Variants in CD207 observed in about 807,000 individuals in gnomAD.
CD207 encodes C-type lectin domain family 4 member K.
In CD207, 28 loss-of-function variants were observed where a neutral mutation model predicts 31.6. That is an observed-to-expected ratio of 0.89 (90% CI 0.66 to 1.21). The LOEUF (loss-of-function observed/expected upper bound fraction) is 1.21, where lower values mean the gene tolerates loss of function less well. CD207 is among the 50% of genes most tolerant of loss of function. CD207 has a pLI of 0.00. For missense variants in CD207, 388 were observed against 397.8 expected, an observed-to-expected ratio of 0.98 and a Z score of 0.21; for synonymous variants, 168 against 153.9, an observed-to-expected ratio of 1.09 and a Z score of -0.68.
At chr2:70,829,020 A>C (rs559973761), downstream of CD207, among the ~76,000 whole-genome samples, 17 of 152,228 alleles carry the variant, frequency 1.1e-4, no homozygotes, top group South Asian at 2.3e-3. Flanking sequence ...GTTTCTTCCA[A>C]TGCCACGTGA....
downstream of CD207, among the ~76,000 whole-genome samples, chr2:70,827,473 C>G (rs1677372329): frequency 6.6e-6 from 1 of 152,228 alleles, no homozygotes; most frequent in Non-Finnish European, 1.5e-5. Flanking sequence ...TGGGGGCTAC[C>G]TGGAGCCCTG....
chr2:70,831,235 G>A, intron 5 of CD207, 35 bp from the exon 6 acceptor site: 6 of 1,579,906 alleles, frequency 3.8e-6, no homozygotes, highest in Non-Finnish European at 5.2e-6. Context: ...GATTTACAAA[G>A]TGGAAAATCA....
Position 70,833,938 on chromosome 2 carries a change from C to T in CD207, c.273G>A (p.Leu91=). 1 of 1,584,166 alleles carries T rather than the reference C, an allele frequency of 6.3e-7. No individual in the cohort carries two copies. The highest frequency in any genetic ancestry group is 8.6e-7 in the Non-Finnish European group (1 of 1,164,320). ...LKGRVDNIST[L]DSEIKKNSDG... The stretch of plus-strand genomic sequence containing the variant: ...CACTATTCTTTTTAATTTCAGAATC[C>T]AGGGTGCTGATGTTGTCCACACGAC... The change falls in exon 3 of 6, where the codon CTG becomes CTA. Residue 91 remains leucine, a synonymous_variant. Coordinates refer to ENST00000410009, the MANE Select transcript of CD207 (RefSeq NM_015717.5).
rs1677479607 is a variant in CD207, at chr2:70,831,743, G to A, written c.794C>T (p.Ser265Phe). 1 of 1,613,510 alleles carries A rather than the reference G, an allele frequency of 6.2e-7. No homozygotes were observed. Among genetic ancestry groups the A allele is most frequent in the South Asian group, 1.1e-5 (1 of 91,082 alleles). Residue 265 changes from serine (S) to phenylalanine (F), a missense_variant, in exon 5 of 6, where the codon TCC becomes TTC. Ser to Phe is a radical substitution (Grantham distance 155). Transcript: ENST00000410009. Reference sequence around the variant, plus strand: ...GTTGAATGGCGTGTCATCCACCCAGGACCAGTCCCCTTCCATCCCTGCTTT... The same window carrying A: ...GTTGAATGGCGTGTCATCCACCCAGAACCAGTCCCCTTCCATCCCTGCTTT... ...LTKAGMEGDW[S>F]WVDDTPFNKV...
chr2:70,834,099 G>T, intron 2 of CD207, 79 bp from the exon 3 acceptor site: 4 of 1,317,128 alleles, frequency 3.0e-6, no homozygotes, highest in Non-Finnish European at 4.0e-6. Flanking sequence ...TTGATCAAAG[G>T]AAGGGAAGGA....
At chr2:70,832,415 G>A (rs188880575) in intron 4 of CD207, among the ~76,000 whole-genome samples, 7 of 152,318 alleles carry the variant, frequency 4.6e-5, no homozygotes, top group Non-Finnish European at 7.3e-5. Context: ...CACCAGGCAG[G>A]AGACTTCTTG....
chr2:70,832,173 C>T (rs1677492022), intron 4 of CD207, among the ~76,000 whole-genome samples: 1 of 152,230 alleles, frequency 6.6e-6, no homozygotes, highest in African/African-American at 2.4e-5. Flanking sequence ...CGGCACTGTG[C>T]TGAGTCGTCC....
chr2:70,833,630 T>G lies in CD207; in HGVS notation c.565+16A>C, dbSNP rs1553400250. ...GGCCACTGGTCAGCTTCAATGTAATTTTCTGAGTCACTTACTTTGTCGTTT... is the reference window on the plus strand; with the variant it reads ...GGCCACTGGTCAGCTTCAATGTAATGTTCTGAGTCACTTACTTTGTCGTTT... On this transcript the variant is annotated intron_variant, in intron 3 of 5. Transcript: ENST00000410009. 6.3e-7 allele frequency: 1 copy of G among 1,593,396 alleles called. No homozygotes were observed. The highest frequency in any genetic ancestry group is 1.1e-5 in the South Asian group (1 of 87,730).
rs951932732 is a variant in CD207 at position 70,833,510 on chromosome 2, A to G, written c.565+136T>C. ...CCCAACCTCAAGCCCTCTCTCCTTA[A>G]CTTCCTAGCCCATGGCTGCCCCTCT... On this transcript the variant is annotated intron_variant, in intron 3 of 5. Coordinates refer to ENST00000410009, the MANE Select transcript of CD207 (RefSeq NM_015717.5). 8.7e-6 allele frequency: 9 copies of G among 1,032,616 alleles called. No individual in the cohort carries two copies. In the African/African-American group the frequency reaches 1.5e-4, roughly 17 times the overall value. The allele number at this position is 1,032,616 out of a possible 1,614,324, so 64.0% of individuals were successfully genotyped here.
chr2:70,832,769 C>T lies in CD207; in HGVS notation c.717+131G>A. 17 of 940,800 alleles carry T rather than the reference C, an allele frequency of 1.8e-5. 1 individual carries two copies. The South Asian group carries it at 3.7e-4, about 21-fold the overall frequency. The allele number at this position is 940,800 out of a possible 1,614,324, so 58.3% of individuals were successfully genotyped here. A position where few individuals can be genotyped will look rare whatever the true frequency, so the allele number is the denominator to read the frequency against. ...TTGCCGGCCCTTATTCGACATGCTA[C>T]TGAGAACCAATCCTTCTTCATTAGG... is the stretch of plus-strand genomic sequence containing the variant. On this transcript the variant is annotated intron_variant, in intron 4 of 5. Coordinates refer to ENST00000410009, the MANE Select transcript of CD207 (RefSeq NM_015717.5).
At chr2:70,832,293 T>C (rs1326669411) in intron 4 of CD207, among the ~76,000 whole-genome samples, 1 of 152,102 alleles carries the variant, frequency 6.6e-6, no homozygotes, top group Non-Finnish European at 1.5e-5. Flanking sequence ...CCCAAGCTGC[T>C]AGGACTAGTT....
chr2:70,831,966 C>T (rs1240815833), intron 4 of CD207, 147 bp from the exon 5 acceptor site: 1 of 628,254 alleles, frequency 1.6e-6, no homozygotes, highest in East Asian at 2.7e-5. Context: ...CCTGCCCTTG[C>T]CCAGAGCCCA....
rs782015589 is a variant in CD207 at position 70,833,034 on chromosome 2, C to T, written c.583G>A (p.Val195Ile). The change falls in exon 4 of 6, where the codon GTT (valine) becomes ATT (isoleucine). Residue 195 changes from valine (V) to isoleucine (I), a missense_variant. Physicochemically the swap from Val to Ile is conservative, Grantham distance 29. Coordinates refer to ENST00000410009, the MANE Select transcript of CD207 (RefSeq NM_015717.5). The part of the protein sequence containing the change: ...LKRQNDILQV[V>I]SQGWKYFKGN... ...TTGAAGTACTTCCAGCCTTGAGAAA[C>T]CACCTGTAGAATATCATCTAGAGAA... 18 of 1,613,834 alleles carry T rather than the reference C, an allele frequency of 1.1e-5. 1 individual carries two copies. The Admixed American group carries it at 2.7e-4, about 24-fold the overall frequency.
rs1553400395 is a variant in CD207 at position 70,833,887 on chromosome 2, C to A, written c.324G>T (p.Gln108His). 2 of 1,609,080 alleles carry A rather than the reference C, an allele frequency of 1.2e-6. No homozygotes were observed. The highest frequency in any genetic ancestry group is 2.2e-5 in the South Asian group (2 of 90,568). Reference protein sequence around the residue: ...NSDGMEAAGVQIQMVNESLGY... With the variant: ...NSDGMEAAGVHIQMVNESLGY... ...CCAGGCTCTCATTCACCATCTGGAT[C>A]TGAACGCCAGCTGCCTCCATGCCGT... The change falls in exon 3 of 6, where the codon CAG becomes CAT. Residue 108 changes from glutamine to histidine, a missense_variant. Transcript: ENST00000410009.
chr2:70,831,314 G>A (rs890997574), intron 5 of CD207, 114 bp from the exon 6 acceptor site: 59 of 992,678 alleles, frequency 5.9e-5, no homozygotes, highest in Non-Finnish European at 8.5e-5. Context: ...GAATGGCATA[G>A]CAAATGTCTG....
rs1558627103 is a variant in CD207, at chr2:70,831,069, TA to T, written c.967del (p.Tyr323MetfsTer22). 6.2e-7 allele frequency: 1 copy of T among 1,613,814 alleles called. No individual in the cohort carries two copies. The highest frequency in any genetic ancestry group is 1.1e-5 in the South Asian group (1 of 91,062). On this transcript the variant is annotated frameshift_variant, in exon 6 of 6. Transcript: ENST00000410009. LOFTEE classifies it high-confidence loss of function. Reference protein sequence around the residue: ...KTFLFICKRPYVPSEP With the variant: ...KTFLFICKRPXVPSEP ...GTCCTGTCACGGTTCTGATGGGACA[TA>T]GGGTCGCTTACAAATGAAAAGAAAC... is the stretch of plus-strand genomic sequence containing the variant.
rs962569793 is a variant in CD207 at position 70,830,827 on chromosome 2, C to T, written c.*223G>A. The stretch of plus-strand genomic sequence containing the variant: ...GGAACTTCTAAATCCTCTCTACCCA[C>T]CCCTCCCACTTTAACCTGAATTCTC... On this transcript the variant is annotated 3_prime_UTR_variant, in exon 6 of 6. Transcript: ENST00000410009. 7 of 488,660 alleles carry T rather than the reference C, an allele frequency of 1.4e-5. No homozygotes were observed. The highest frequency in any genetic ancestry group is 3.1e-5 in the South Asian group (1 of 32,082). 30.3% of individuals were successfully genotyped at this position (488,660 alleles called of 1,614,324 possible).
At chr2:70,833,444 T>C (rs1677526651) in intron 3 of CD207, among the ~76,000 whole-genome samples, 1 of 152,180 alleles carries the variant, frequency 6.6e-6, no homozygotes, top group Non-Finnish European at 1.5e-5. Context: ...GAGCTCTAGC[T>C]GGACCCTGGT....
chr2:70,828,256 A>C (rs1544654), downstream of CD207, among the ~76,000 whole-genome samples: 106,732 of 152,152 alleles, frequency 0.7, 37,526 homozygotes, highest in Middle Eastern at 0.76. Flanking sequence ...CTGCCAGCAG[A>C]AGGGCAGGTG....
Sources: gnomAD v4.1 joint callset for allele counts (sites outside exome capture counted in the v4.1 genomes callset) on GRCh38, gnomAD v4.1.1 for gene constraint, MANE v1.5 for transcripts, NCBI Gene and HGNC (gene_info 2026-07-23, HGNC 2026-07-21) for gene names.